The following TRPC4 variants were observed in gnomAD, a reference collection of about 807,000 sequenced individuals.
TRPC4 encodes short transient receptor potential channel 4.
A neutral mutation model predicts 99.4 loss-of-function variants in TRPC4; 49 were observed. The ratio of observed to expected loss-of-function variants is 0.49; its 90% CI spans 0.39 to 0.63. The LOEUF is 0.63. Ranked by LOEUF, TRPC4 falls within the 20% of genes least tolerant of loss-of-function variation. The pLI is 0.00. For synonymous variants in TRPC4, 454 were observed against 425.9 expected (o/e 1.07, Z -0.81); for missense variants, 898 against 1,152.9 (o/e 0.78, Z 3.20).
At chr13:37,827,354 T>C (rs1279215817) in intron 1 of TRPC4, among the ~76,000 whole-genome samples, 1 of 152,190 alleles carries the variant, frequency 6.6e-6, no homozygotes, top group Non-Finnish European at 1.5e-5. Context: ...GCGCTCTGCT[T>C]TTTAGAGTTT....
At chr13:37,858,373 TA>T (rs1351372725) in intron 1 of TRPC4, among the ~76,000 whole-genome samples, 1 of 151,574 alleles carries the variant, frequency 6.6e-6, no homozygotes, top group Admixed American at 6.6e-5. Flanking sequence ...CTCAAACAAC[TA>T]AAAATGGAGC....
intron 7 of TRPC4, among the ~76,000 whole-genome samples, chr13:37,652,490 T>C (rs1952080033): frequency 6.6e-6 from 1 of 152,240 alleles, no homozygotes; most frequent in South Asian, 2.1e-4. Flanking sequence ...ACCTAGAGAA[T>C]GCATGGCCTT....
At chr13:37,799,975 G>A (rs1957362099) in intron 1 of TRPC4, among the ~76,000 whole-genome samples, 1 of 152,110 alleles carries the variant, frequency 6.6e-6, no homozygotes, top group African/African-American at 2.4e-5. Flanking sequence ...ATGTCCATAG[G>A]CGGGGTTGTT....
intron 2 of TRPC4, among the ~76,000 whole-genome samples, chr13:37,770,960 A>G (rs1409713221): frequency 6.6e-6 from 1 of 151,558 alleles, no homozygotes; most frequent in Non-Finnish European, 1.5e-5. Flanking sequence ...ATCTTCTTTT[A>G]TTGATGTTGA....
At chr13:37,670,335 C>CT (rs1566083682) in intron 5 of TRPC4, among the ~76,000 whole-genome samples, 2 of 152,048 alleles carry the variant, frequency 1.3e-5, no homozygotes, top group Non-Finnish European at 2.9e-5. Flanking sequence ...ACAAGATTTT[C>CT]TTTTTTTGTA....
chr13:37,650,882 C>A (rs1469676943), intron 8 of TRPC4, among the ~76,000 whole-genome samples: 1 of 152,090 alleles, frequency 6.6e-6, no homozygotes, highest in Non-Finnish European at 1.5e-5. Context: ...ATGGAGCATA[C>A]GATCCAGAGG....
intron 8 of TRPC4, among the ~76,000 whole-genome samples, chr13:37,641,108 A>AT (rs1345452932): frequency 2.0e-5 from 3 of 152,184 alleles, no homozygotes; most frequent in South Asian, 2.1e-4. Flanking sequence ...ATCATGATAC[A>AT]TTTTAGTATT....
At chr13:37,817,471 T>C (rs546963734) in intron 1 of TRPC4, among the ~76,000 whole-genome samples, 1 of 152,138 alleles carries the variant, frequency 6.6e-6, no homozygotes, top group African/African-American at 2.4e-5. Flanking sequence ...ATAGATTCAA[T>C]GCTATTCCTA....
At chr13:37,724,974 A>G (rs1954996739) in intron 3 of TRPC4, among the ~76,000 whole-genome samples, 1 of 152,204 alleles carries the variant, frequency 6.6e-6, no homozygotes, top group African/African-American at 2.4e-5. Flanking sequence ...CAAAGACTTT[A>G]AAACATCTGT....
intron 5 of TRPC4, among the ~76,000 whole-genome samples, chr13:37,672,612 A>G (rs1340968769): frequency 1.3e-5 from 2 of 152,172 alleles, no homozygotes; most frequent in Non-Finnish European, 2.9e-5. Flanking sequence ...ACCACAAAAA[A>G]CTACATATAT....
chr13:37,850,402 T>C (rs1338692213), intron 1 of TRPC4, among the ~76,000 whole-genome samples: 1 of 152,224 alleles, frequency 6.6e-6, no homozygotes, highest in Non-Finnish European at 1.5e-5. Flanking sequence ...TTTGTTATTT[T>C]ATACAAAATA....
At chr13:37,683,282 T>C (rs558885604) in intron 4 of TRPC4, among the ~76,000 whole-genome samples, 1 of 152,082 alleles carries the variant, frequency 6.6e-6, no homozygotes, top group Non-Finnish European at 1.5e-5. Flanking sequence ...GTTCAGCTCA[T>C]CACAGAAAAT....
chr13:37,657,189 T>G (rs894517057), intron 6 of TRPC4, among the ~76,000 whole-genome samples: 17 of 152,244 alleles, frequency 1.1e-4, no homozygotes, highest in Admixed American at 2.0e-4. Context: ...AACAACAGAT[T>G]ATTGTGAAGG....
intron 3 of TRPC4, among the ~76,000 whole-genome samples, chr13:37,729,678 T>C (rs1955180866): frequency 6.6e-6 from 1 of 152,076 alleles, no homozygotes. Flanking sequence ...AAATCTGGCA[T>C]TTGTAACAAC....
intron 2 of TRPC4, among the ~76,000 whole-genome samples, chr13:37,755,785 C>T (rs538370295): frequency 6.6e-6 from 1 of 152,168 alleles, no homozygotes; most frequent in South Asian, 2.1e-4. Context: ...AAGGAATATC[C>T]CTTGTAACAC....
chr13:37,780,792 T>C (rs1956819435), intron 2 of TRPC4, among the ~76,000 whole-genome samples: 1 of 151,996 alleles, frequency 6.6e-6, no homozygotes, highest in South Asian at 2.1e-4. Context: ...CTGAGGGAGA[T>C]TGAAATTACT....
intron 2 of TRPC4, among the ~76,000 whole-genome samples, chr13:37,751,225 C>A (rs1955924328): frequency 6.6e-6 from 1 of 152,072 alleles, no homozygotes; most frequent in Non-Finnish European, 1.5e-5. Flanking sequence ...CCGTATCCTC[C>A]GGAGCTCCTG....
intron 1 of TRPC4, among the ~76,000 whole-genome samples, chr13:37,811,647 A>C (rs1957689656): frequency 6.6e-6 from 1 of 152,116 alleles, no homozygotes; most frequent in South Asian, 2.1e-4. Flanking sequence ...ACATACATAT[A>C]AGGAATTACC....
chr13:37,655,567 G>T (rs780866542), intron 6 of TRPC4, among the ~76,000 whole-genome samples: 4 of 151,910 alleles, frequency 2.6e-5, no homozygotes, highest in African/African-American at 9.7e-5. Context: ...AATGTGGCAT[G>T]GGTACTGAGT....
Sources: gnomAD v4.1 joint callset for allele counts (sites outside exome capture counted in the v4.1 genomes callset) on GRCh38, gnomAD v4.1.1 for gene constraint, MANE v1.5 for transcripts, NCBI Gene and HGNC (gene_info 2026-07-23, HGNC 2026-07-21) for gene names.